The following RXRA variants were observed in gnomAD, a reference collection of about 807,000 sequenced individuals.
RXRA encodes retinoic acid receptor RXR-alpha.
A neutral mutation model predicts 44.5 loss-of-function variants in RXRA; 5 were observed. That is an observed-to-expected ratio of 0.11 (90% confidence interval 0.06 to 0.24). The LOEUF (loss-of-function observed/expected upper bound fraction) is 0.24. RXRA is among the 10% of genes least tolerant of loss of function. The pLI, the probability that RXRA is intolerant of heterozygous loss-of-function variation, is 1.00. For synonymous variants in RXRA, 291 were observed against 271.4 expected (o/e 1.07, Z -0.71); for missense variants, 412 against 646.5 (o/e 0.64, Z 3.93).
At chr9:134,392,048 G>T (rs969593002) in intron 1 of RXRA, among the ~76,000 whole-genome samples, 2 of 152,254 alleles carry the variant, frequency 1.3e-5, no homozygotes, top group African/African-American at 4.8e-5. Context: ...CTGTGTGTTT[G>T]CAGGGGGCCG....
Position 134,354,224 on chromosome 9 carries a change from C to T in RXRA, c.28+27565C>T, listed in dbSNP as rs140846937. Among the ~76,000 whole-genome samples, 1,368 of 152,298 alleles carry T rather than the reference C, an allele frequency of 9.0e-3. 8 individuals are homozygous for T. The highest frequency in any genetic ancestry group is 0.015 in the Non-Finnish European group (1,013 of 68,014). ...CAAGGAGGGCTGTGGGGCACTTCTGCGTGCCGAGTGCTCCCATCCTGGCCC... is the reference window on the plus strand; with the variant it reads ...CAAGGAGGGCTGTGGGGCACTTCTGTGTGCCGAGTGCTCCCATCCTGGCCC... On this transcript the variant is annotated intron_variant, in intron 1 of 9. Coordinates refer to ENST00000481739, the MANE Select transcript of RXRA (RefSeq NM_002957.6).
At chr9:134,368,855 AGT>A (rs757098862) in intron 1 of RXRA, among the ~76,000 whole-genome samples, 26 of 123,274 alleles carry the variant, frequency 2.1e-4, no homozygotes, top group Non-Finnish European at 2.9e-4. Context: ...TGTGTGTGAA[AGT>A]GTGTGAGTGC....
Position 134,439,444 on chromosome 9 carries a change from A to T in RXRA, c.*2830A>T, listed in dbSNP as rs550842848. On this transcript the variant is annotated 3_prime_UTR_variant, in exon 10 of 10. Transcript: ENST00000481739. The stretch of plus-strand genomic sequence containing the variant: ...CATGCTTGGAAGCTGGCCTGCCAGG[A>T]CCTTCCACCCTGGGGCCTGTGTCAG... 6.6e-6 allele frequency: 1 copy of T among 152,364 alleles called. No individual in the cohort carries two copies. Among genetic ancestry groups the T allele is most frequent in the East Asian group, 1.9e-4 (1 of 5,178 alleles). 9.4% of individuals were successfully genotyped at this position (152,364 alleles called of 1,614,324 possible).
In RXRA at chr9:134,435,666, G is replaced by C. The variant is rs138665454; in HGVS notation, c.1242-801G>C. On this transcript the variant is annotated intron_variant, in intron 9 of 9. Coordinates refer to ENST00000481739, the MANE Select transcript of RXRA (RefSeq NM_002957.6). ...AGTCAGGCCTGGCTCCACCTGCAGT[G>C]GGGGTGCAGCCTGACTCCCCCTCCC... Among the ~76,000 whole-genome samples the C allele has an allele frequency of 2.8e-3, 430 of 152,246 alleles. 4 individuals carry two copies. Among genetic ancestry groups the C allele is most frequent in the African/African-American group, 9.8e-3 (408 of 41,556 alleles).
chr9:134,360,591 G>A (rs951016094), intron 1 of RXRA, among the ~76,000 whole-genome samples: 51 of 152,376 alleles, frequency 3.3e-4, no homozygotes, highest in African/African-American at 1.2e-3. Flanking sequence ...GTTACCTGCC[G>A]CTTGCTGGTC....
rs927588163 is a variant in RXRA at position 134,433,846 on chromosome 9, C to A, written c.1136-256C>A. ...GTCTCTGGAGGTCAAATAGTTGACC[C>A]AAGGTCACGTGGCTGGCAAGTGGCA... On this transcript the variant is annotated intron_variant, in intron 8 of 9. Coordinates refer to ENST00000481739, the MANE Select transcript of RXRA (RefSeq NM_002957.6). The surrounding 1 kb of genome is among the most constrained non-coding windows in gnomAD (Gnocchi z 4.2). Among the ~76,000 whole-genome samples the A allele has an allele frequency of 1.3e-5, 2 of 152,190 alleles. No individual in the cohort carries two copies. Among genetic ancestry groups the A allele is most frequent in the East Asian group, 3.9e-4 (2 of 5,184 alleles).
intron 1 of RXRA, among the ~76,000 whole-genome samples, chr9:134,355,066 T>C (rs1830266747): frequency 6.6e-6 from 1 of 152,226 alleles, no homozygotes; most frequent in Non-Finnish European, 1.5e-5. Flanking sequence ...TCCCATCTCC[T>C]GCAGGGATGC....
intron 1 of RXRA, chr9:134,374,178 G>C (rs1341262192): frequency 6.6e-6 from 1 of 152,284 alleles, no homozygotes; most frequent in African/African-American, 2.4e-5. Flanking sequence ...TAGAACCAGC[G>C]AGGTTGAGTC....
chr9:134,409,398 G>C (rs1480967646), intron 4 of RXRA, among the ~76,000 whole-genome samples: 2 of 152,236 alleles, frequency 1.3e-5, no homozygotes, highest in Non-Finnish European at 2.9e-5. Context: ...TTAGGTTGGA[G>C]AGGTGGAGCG....
chr9:134,401,543 G>A (rs1457350531), intron 1 of RXRA, 89 bp from the exon 2 acceptor site: 4 of 1,589,292 alleles, frequency 2.5e-6, no homozygotes, highest in African/African-American at 2.7e-5. Context: ...TCCCGCAGGT[G>A]CGTGCATCTG....
intron 5 of RXRA, among the ~76,000 whole-genome samples, chr9:134,421,442 G>C (rs535909554): frequency 3.6e-4 from 55 of 152,294 alleles, no homozygotes; most frequent in Admixed American, 2.8e-3. Flanking sequence ...GGTCCCCCCA[G>C]TGGTGCAGGC....
chr9:134,348,323 G>A (rs1554749071), intron 1 of RXRA, among the ~76,000 whole-genome samples: 1 of 152,212 alleles, frequency 6.6e-6, no homozygotes, highest in Non-Finnish European at 1.5e-5. Flanking sequence ...ACCAGCCAGG[G>A]TTTTGAGAAG....
intron 6 of RXRA, among the ~76,000 whole-genome samples, chr9:134,427,903 G>A (rs1276925219): frequency 6.6e-6 from 1 of 152,228 alleles, no homozygotes; most frequent in Admixed American, 6.5e-5. Context: ...CAGGGAGTGT[G>A]GAAGGTGCTG....
chr9:134,354,833 C>T (rs1203629581), intron 1 of RXRA, among the ~76,000 whole-genome samples: 1 of 152,264 alleles, frequency 6.6e-6, no homozygotes, highest in Non-Finnish European at 1.5e-5. Flanking sequence ...CCTGGATTTG[C>T]CTCTCCCCGT....
intron 1 of RXRA, among the ~76,000 whole-genome samples, chr9:134,377,854 A>T (rs1032359161): frequency 2.0e-5 from 3 of 152,104 alleles, no homozygotes; most frequent in African/African-American, 7.2e-5. Flanking sequence ...CTCCATCAGA[A>T]CCAGTATGGG....
chr9:134,354,215 G>T (rs1381447995), intron 1 of RXRA, among the ~76,000 whole-genome samples: 1 of 152,310 alleles, frequency 6.6e-6, no homozygotes, highest in East Asian at 1.9e-4. Context: ...GGGCTGTGGG[G>T]CACTTCTGCG....
At chr9:134,393,774 C>T (rs1249166093) in intron 1 of RXRA, among the ~76,000 whole-genome samples, 2 of 152,088 alleles carry the variant, frequency 1.3e-5, no homozygotes, top group Non-Finnish European at 2.9e-5. Context: ...CATGGGGAGC[C>T]CCCTCCTGAG....
rs1831430996 is a variant in RXRA, at chr9:134,426,135, G to A, written c.911-2973G>A. 7.1e-6 allele frequency: 7 copies of A among 985,400 alleles called. No individual in the cohort carries two copies. Among genetic ancestry groups the A allele is most frequent in the Non-Finnish European group, 8.4e-6 (7 of 829,918 alleles). 61.0% of individuals were successfully genotyped at this position (985,400 alleles called of 1,614,324 possible). A position where few individuals can be genotyped will look rare whatever the true frequency, so the allele number is the denominator to read the frequency against. On this transcript the variant is annotated intron_variant, in intron 6 of 9. Transcript: ENST00000481739. The surrounding 1 kb of genome is among the most constrained non-coding windows in gnomAD (Gnocchi z 4.6). ...GAGTTGGAGGACATAGTGACCAAGG[G>A]AGCAGCCCCAGGCAAGACTCTTTGT...
At chr9:134,353,033 C>CT (rs1830240615) in intron 1 of RXRA, among the ~76,000 whole-genome samples, 1 of 152,028 alleles carries the variant, frequency 6.6e-6, no homozygotes, top group Non-Finnish European at 1.5e-5. Context: ...GCTCTCTGGG[C>CT]TGGCCTCTGG....
Sources: gnomAD v4.1 joint callset for allele counts (sites outside exome capture counted in the v4.1 genomes callset) on GRCh38, gnomAD v4.1.1 for gene constraint, Gnocchi (gnomAD v3.1) non-coding constraint, MANE v1.5 for transcripts, NCBI Gene and HGNC (gene_info 2026-07-23, HGNC 2026-07-21) for gene names.